ATP10B: variants seen among roughly 807,000 people sequenced by gnomAD.
The protein encoded by ATP10B is phospholipid-transporting ATPase VB.
Under a neutral mutation model 141.2 loss-of-function variants are expected in ATP10B, and 122 were observed. The observed-to-expected ratio is 0.86, with a 90% CI of 0.75 to 1.00. ATP10B has a LOEUF of 1.00. Ranked by LOEUF, ATP10B falls within the 50% of genes least tolerant of loss-of-function variation. The pLI, the probability that ATP10B is intolerant of heterozygous loss-of-function variation, is 0.00. For missense variants in ATP10B, 1,876 were observed against 1,825.3 expected (o/e 1.03, Z -0.51); for synonymous variants, 685 against 692.0 (o/e 0.99, Z 0.16).
the ATP10B span, among the ~76,000 whole-genome samples, chr5:160,883,803 G>A: frequency 5.3e-5 from 8 of 152,052 alleles, no homozygotes; most frequent in South Asian, 2.1e-4. Context: ...AAAGTATTCC[G>A]TGGACTTTAC....
chr5:160,824,053 G>C (rs964070918), intron 1 of ATP10B, among the ~76,000 whole-genome samples: 3 of 151,764 alleles, frequency 2.0e-5, no homozygotes, highest in Non-Finnish European at 4.4e-5. Flanking sequence ...ACGGAGTCTG[G>C]CTCTGTCACC....
chr5:160,632,051 TTC>T, intron 13 of ATP10B, 76 bp downstream of exon 13: 1 of 1,363,148 alleles, frequency 7.3e-7, no homozygotes, highest in Non-Finnish European at 1.0e-6. Context: ...GTACAATTTT[TTC>T]TTTTTCACAT....
At chr5:160,925,074 T>A in the ATP10B span, among the ~76,000 whole-genome samples, 7 of 152,216 alleles carry the variant, frequency 4.6e-5, no homozygotes, top group Non-Finnish European at 1.0e-4. Context: ...GTAGATTGGA[T>A]CTTGAGTATA....
chr5:160,912,619 AAAG>A, the ATP10B span, among the ~76,000 whole-genome samples: 1 of 151,678 alleles, frequency 6.6e-6, no homozygotes, highest in Non-Finnish European at 1.5e-5. Flanking sequence ...AGAGAAAAGA[AAAG>A]AAGAGAAAAG....
intron 14 of ATP10B, among the ~76,000 whole-genome samples, chr5:160,622,080 G>T (rs1032097706): frequency 6.6e-6 from 1 of 152,198 alleles, no homozygotes; most frequent in Admixed American, 6.5e-5. Flanking sequence ...CAGGTAAAGT[G>T]CTGGGTATGG....
intron 3 of ATP10B, among the ~76,000 whole-genome samples, chr5:160,708,592 G>A (rs72818555): frequency 0.056 from 8,595 of 152,256 alleles, 427 homozygotes; most frequent in East Asian, 0.23. Context: ...GCAGTGTGGG[G>A]TGGGGCTCTG....
At chr5:160,819,488 C>G (rs1773939997) in intron 1 of ATP10B, among the ~76,000 whole-genome samples, 2 of 152,036 alleles carry the variant, frequency 1.3e-5, no homozygotes, top group South Asian at 2.1e-4. Flanking sequence ...ATCCGAAGGT[C>G]CAAAACTTAC....
rs1758979727 is a variant in ATP10B at position 160,632,172 on chromosome 5, T to C, written c.1577A>G (p.His526Arg). ...CACAGGAGGCTGTGAGCTTTCACGG[T>C]GCCCCATAGACCTTTGCCGGTAGTG... ...QGHYRQRSMG[H>R]RESSQPPVAF... The change falls in exon 13 of 26, where the codon CAC becomes CGC. Residue 526 changes from histidine to arginine, a missense_variant. Transcript: ENST00000327245. 4 of 1,614,190 alleles carry C rather than the reference T, an allele frequency of 2.5e-6. No homozygotes were observed. The highest frequency in any genetic ancestry group is 3.4e-6 in the Non-Finnish European group (4 of 1,180,012).
In ATP10B at chr5:160,622,559, G is replaced by T; in HGVS notation, c.1647C>A (p.Asn549Lys). ...CAGCATCTCGAACCTTGGTCAGTAG[G>T]TTTTTATCTGGAGTTACATCTTTTT... The part of the protein sequence containing the change: ...SIEKDVTPDK[N>K]LLTKVRDAAL... Residue 549 changes from asparagine to lysine, a missense_variant, in exon 14 of 26, where the codon AAC becomes AAA. Physicochemically the swap from Asn to Lys is moderately conservative, Grantham distance 94. Transcript: ENST00000327245. The T allele has an allele frequency of 6.2e-7, 1 of 1,612,536 alleles. No individual in the cohort carries two copies. Among genetic ancestry groups the T allele is most frequent in the Non-Finnish European group, 8.5e-7 (1 of 1,179,366 alleles).
At chr5:160,653,671 ATT>A (rs1195721903) in intron 7 of ATP10B, among the ~76,000 whole-genome samples, 5 of 47,550 alleles carry the variant, frequency 1.1e-4, no homozygotes, top group African/African-American at 2.4e-4. Flanking sequence ...ATACATATAT[ATT>A]ATATATACAT....
At chr5:160,626,595 A>T (rs955275379) in intron 13 of ATP10B, among the ~76,000 whole-genome samples, 10 of 152,336 alleles carry the variant, frequency 6.6e-5, no homozygotes, top group African/African-American at 2.4e-4. Flanking sequence ...CGCTATGCCA[A>T]CATTTCTCAA....
chr5:160,820,585 C>A (rs1007842787), intron 1 of ATP10B, among the ~76,000 whole-genome samples: 4 of 151,844 alleles, frequency 2.6e-5, no homozygotes, highest in African/African-American at 9.7e-5. Context: ...AAAGACACAG[C>A]AAAAGAAGAA....
At chr5:160,628,479 G>T (rs950259834) in intron 13 of ATP10B, among the ~76,000 whole-genome samples, 2 of 152,168 alleles carry the variant, frequency 1.3e-5, no homozygotes, top group Admixed American at 1.3e-4. Flanking sequence ...AGCAGACTGG[G>T]AGTGCTGCAT....
chr5:160,897,453 G>T, the ATP10B span, among the ~76,000 whole-genome samples: 1 of 152,026 alleles, frequency 6.6e-6, no homozygotes, highest in Admixed American at 6.5e-5. Context: ...TTACTACAAA[G>T]AATAAAATAC....
At chr5:160,733,882 G>A (rs1310496563) in intron 2 of ATP10B, among the ~76,000 whole-genome samples, 1 of 151,692 alleles carries the variant, frequency 6.6e-6, no homozygotes, top group Admixed American at 6.6e-5. Flanking sequence ...AAGGAGGTAA[G>A]ATCATGAGGT....
chr5:160,830,940 A>ATC (rs140435010), intron 1 of ATP10B, among the ~76,000 whole-genome samples: 5,465 of 139,694 alleles, frequency 0.039, 120 homozygotes, highest in Middle Eastern at 0.076. Context: ...CCTCTTCTCA[A>ATC]TCTCTCTCTC....
intron 2 of ATP10B, among the ~76,000 whole-genome samples, chr5:160,772,153 C>G (rs893611429): frequency 3.9e-5 from 6 of 152,188 alleles, no homozygotes; most frequent in Non-Finnish European, 5.9e-5. Context: ...AGTGAAATTG[C>G]TGGATCATAT....
chr5:160,694,166 C>T (rs993910017), intron 3 of ATP10B, among the ~76,000 whole-genome samples: 3 of 152,150 alleles, frequency 2.0e-5, no homozygotes, highest in African/African-American at 7.2e-5. Flanking sequence ...GCTCTTTGAC[C>T]CACTGCCCCT....
intron 2 of ATP10B, among the ~76,000 whole-genome samples, chr5:160,773,084 CTG>C (rs762301219): frequency 6.6e-6 from 1 of 151,966 alleles, no homozygotes; most frequent in African/African-American, 2.4e-5. Flanking sequence ...TTAATTAACT[CTG>C]TGGTTCTGTG....
Sources: allele counts gnomAD v4.1 joint callset (sites outside exome capture counted in the v4.1 genomes callset), GRCh38; gene constraint gnomAD v4.1.1; transcripts MANE v1.5; gene names NCBI Gene and HGNC (gene_info 2026-07-23, HGNC 2026-07-21).